The following ZDHHC11 variants were observed in gnomAD, a reference collection of about 807,000 sequenced individuals.
ZDHHC11 encodes the protein palmitoyltransferase ZDHHC11.
In ZDHHC11, 44 loss-of-function variants were observed where a neutral mutation model predicts 51.3. The ratio of observed to expected loss-of-function variants is 0.86; its 90% CI spans 0.67 to 1.10. ZDHHC11 has a LOEUF of 1.10. Among genes scored for constraint, ZDHHC11 ranks in the 50% least tolerant of loss-of-function variants. ZDHHC11 has a pLI of 0.00. For synonymous variants in ZDHHC11, 163 were observed against 222.0 expected (o/e 0.73, Z 2.36); for missense variants, 400 against 537.7 (o/e 0.74, Z 2.53).
At chr5:821,923 G>A in intron 8 of ZDHHC11, 28 bp from the exon 9 acceptor site, 1 of 1,584,918 alleles carries the variant, frequency 6.3e-7, no homozygotes, top group Non-Finnish European at 8.6e-7. Flanking sequence ...AAAATTCATA[G>A]AATGAATTGA....
intron 1 of ZDHHC11, among the ~76,000 whole-genome samples, chr5:848,907 A>G (rs546369797): frequency 4.2e-4 from 56 of 132,542 alleles, no homozygotes; most frequent in Admixed American, 3.4e-3. Flanking sequence ...CTGCACACCC[A>G]GCCCTGCACA....
chr5:833,258 G>A (rs537724822), intron 7 of ZDHHC11, among the ~76,000 whole-genome samples: 19 of 152,286 alleles, frequency 1.2e-4, no homozygotes, highest in Admixed American at 9.8e-4. Flanking sequence ...AAAACGAACC[G>A]CACTGCACAG....
At position 841,137 on chromosome 5, in the gene ZDHHC11, T is replaced by G. The variant is rs1744834527; in HGVS notation, c.629-487A>C. ...GTCACAGCACCCATCCCTTCCTTAT[T>G]TAGTGCCAGGGTCACAGTGCCCACC... On this transcript the variant is annotated intron_variant, in intron 4 of 12. Transcript: ENST00000283441. 5.3e-6 allele frequency: 5 copies of G among 945,790 alleles called. No homozygotes were observed. In the South Asian group the frequency reaches 1.9e-4, roughly 37 times the overall value. The allele number at this position is 945,790 out of a possible 1,614,324, so 58.6% of individuals were successfully genotyped here. A position where few individuals can be genotyped will look rare whatever the true frequency, so the allele number is the denominator to read the frequency against.
chr5:856,762 T>A (rs1748313873), intron 1 of ZDHHC11, among the ~76,000 whole-genome samples: 1 of 140,566 alleles, frequency 7.1e-6, no homozygotes, highest in African/African-American at 2.7e-5. Flanking sequence ...GCACACAGAA[T>A]ACACACCACA....
Position 808,799 on chromosome 5 carries a change from G to A in ZDHHC11, c.1181+5962C>T, listed in dbSNP as rs1285004150. Among the ~76,000 whole-genome samples the A allele has an allele frequency of 2.9e-4, 42 of 145,152 alleles. 1 individual carries two copies. Among genetic ancestry groups the A allele is most frequent in the South Asian group, 6.9e-4 (3 of 4,346 alleles). On this transcript the variant is annotated intron_variant, in intron 11 of 12. Coordinates refer to ENST00000283441, the MANE Select transcript of ZDHHC11 (RefSeq NM_024786.3). ...TGCAAGCTCCGCCTCCTGGGTTCAC[G>A]CCATTCTCCTGCCTCAGCCTCCCGA...
chr5:826,243 TGAGTTCCAGA>T (rs1742352391), intron 7 of ZDHHC11, among the ~76,000 whole-genome samples: 1 of 5,012 alleles, frequency 2.0e-4, no homozygotes, highest in African/African-American at 5.4e-4. Flanking sequence ...CCAGCAGCCT[TGAGTTCCAGA>T]TTTTCCCACT....
Position 796,373 on chromosome 5 carries a change from G to A in ZDHHC11, c.*215C>T, listed in dbSNP as rs1407902241. The A allele has an allele frequency of 6.6e-6, 1 of 152,332 alleles. No homozygotes were observed. Among genetic ancestry groups the A allele is most frequent in the African/African-American group, 2.4e-5 (1 of 40,914 alleles). The allele number at this position is 152,332 out of a possible 1,614,324, so 9.4% of individuals were successfully genotyped here. ...AGGCTGGCTCTTCTTTGGGTGTGATGAAGATGATGACAGAGATGGATGCTG... is the reference window on the plus strand; with the variant it reads ...AGGCTGGCTCTTCTTTGGGTGTGATAAAGATGATGACAGAGATGGATGCTG... On this transcript the variant is annotated 3_prime_UTR_variant, in exon 13 of 13. Coordinates refer to ENST00000283441, the MANE Select transcript of ZDHHC11 (RefSeq NM_024786.3).
At chr5:847,696 C>T in intron 2 of ZDHHC11, 81 bp from the exon 3 acceptor site, 1 of 764,690 alleles carries the variant, frequency 1.3e-6, no homozygotes, top group Non-Finnish European at 2.1e-6. Flanking sequence ...CACTGGAAGC[C>T]AGGTGCCTCG....
chr5:838,976 C>T (rs1220196460), intron 5 of ZDHHC11, among the ~76,000 whole-genome samples: 9 of 143,436 alleles, frequency 6.3e-5, no homozygotes, highest in Admixed American at 1.4e-4. Flanking sequence ...CCTTAATCTG[C>T]GGCACATGTG....
rs71587128 is a variant in ZDHHC11, at chr5:796,037, T to C, written c.*551A>G. ...TCAGTACTGTGCTCCCACTTCTCAG[T>C]ACTGTGCTCCCACTTCCCAGTACTG... On this transcript the variant is annotated 3_prime_UTR_variant, in exon 13 of 13. Transcript: ENST00000283441. 3.3e-4 allele frequency: 14 copies of C among 43,076 alleles called. No individual in the cohort carries two copies. The highest frequency in any genetic ancestry group is 1.4e-3 in the African/African-American group (12 of 8,710). 2.7% of individuals were successfully genotyped at this position (43,076 alleles called of 1,614,324 possible).
At chr5:818,376 G>A (rs1453004740) in intron 10 of ZDHHC11, among the ~76,000 whole-genome samples, 1 of 151,700 alleles carries the variant, frequency 6.6e-6, no homozygotes, top group Non-Finnish European at 1.5e-5. Context: ...GGAAGTGCAG[G>A]GAAGGGGCAA....
At chr5:815,044 CTA>C in intron 10 of ZDHHC11, among the ~76,000 whole-genome samples, 1 of 151,360 alleles carries the variant, frequency 6.6e-6, no homozygotes, top group Non-Finnish European at 1.5e-5. Context: ...CAGAATGTGA[CTA>C]TATGTGGAGA....
At chr5:855,221 G>A (rs1158632530), upstream of ZDHHC11, among the ~76,000 whole-genome samples, 2 of 146,858 alleles carry the variant, frequency 1.4e-5, no homozygotes, top group African/African-American at 2.6e-5. Context: ...GAGCAGCGGG[G>A]ACAGACCCCA....
In ZDHHC11 at chr5:814,801, G is replaced by T. The variant is rs906373093; in HGVS notation, c.1147-6C>A. The T allele has an allele frequency of 1.9e-6, 3 of 1,540,872 alleles. No individual in the cohort carries two copies. The highest frequency in any genetic ancestry group is 1.4e-5 in the African/African-American group (1 of 72,208). ...CTCGGGGCATCATCTGCTTCCTGTG[G>T]GGGGAAGGGATGCAAAATTCATAGG... On this transcript the variant is annotated splice_region_variant and splice_polypyrimidine_tract_variant and intron_variant, in intron 10 of 12. Transcript: ENST00000283441.
rs529649296 is a variant in ZDHHC11, at chr5:841,686, G to C, written c.629-1036C>G. The C allele has an allele frequency of 8.8e-5, 87 of 990,958 alleles. No homozygotes were observed. In the African/African-American group the frequency reaches 1.3e-3, roughly 15 times the overall value. 61.4% of individuals were successfully genotyped at this position (990,958 alleles called of 1,614,324 possible). On this transcript the variant is annotated intron_variant, in intron 4 of 12. Coordinates refer to ENST00000283441, the MANE Select transcript of ZDHHC11 (RefSeq NM_024786.3). ...ACAGGAAAGCCACAGCTCTCGCCTG[G>C]GGTCATTTCTAAGATATGGTCCTCT...
chr5:835,757 C>T (rs1476869981), intron 6 of ZDHHC11, among the ~76,000 whole-genome samples: 4 of 151,812 alleles, frequency 2.6e-5, no homozygotes, highest in Non-Finnish European at 5.9e-5. Flanking sequence ...CTTAATAGAG[C>T]GTCTCTGACT....
intron 10 of ZDHHC11, among the ~76,000 whole-genome samples, chr5:816,112 A>G (rs1740751424): frequency 6.6e-6 from 1 of 151,610 alleles, no homozygotes; most frequent in Non-Finnish European, 1.5e-5. Flanking sequence ...CTGAGTTTTG[A>G]AAATTCTTTA....
chr5:857,693 C>CGT (rs1229621147), intron 1 of ZDHHC11, among the ~76,000 whole-genome samples: 5 of 142,732 alleles, frequency 3.5e-5, no homozygotes, highest in East Asian at 2.2e-4. Flanking sequence ...CAGGTCCCAT[C>CGT]CCTGTCTTTA....
chr5:850,731 C>G lies in ZDHHC11; in HGVS notation c.-129G>C. ...CCAGCACTGACAGCCAATGGCCCAG[C>G]ACTGCCTGGGGCCACGTTCCCCGCA... On this transcript the variant is annotated 5_prime_UTR_variant, in exon 1 of 13. Transcript: ENST00000283441. The G allele has an allele frequency of 8.5e-7, 1 of 1,176,390 alleles. No individual in the cohort carries two copies. The highest frequency in any genetic ancestry group is 1.5e-5 in the South Asian group (1 of 68,316). 72.9% of individuals were successfully genotyped at this position (1,176,390 alleles called of 1,614,324 possible).
Sources: allele counts gnomAD v4.1 joint callset (sites outside exome capture counted in the v4.1 genomes callset), GRCh38; gene constraint gnomAD v4.1.1; transcripts MANE v1.5; gene names NCBI Gene and HGNC (gene_info 2026-07-23, HGNC 2026-07-21).